SYN3: variants seen among roughly 807,000 people sequenced by gnomAD.
SYN3 encodes the protein synapsin-3.
A neutral mutation model predicts 65.8 loss-of-function variants in SYN3; 35 were observed. The observed-to-expected ratio is 0.53, with a 90% CI of 0.41 to 0.70. The LOEUF is 0.70. Ranked by LOEUF, SYN3 falls within the 30% of genes least tolerant of loss-of-function variation. The pLI is 0.00. For synonymous variants in SYN3, 270 were observed against 292.9 expected, an observed-to-expected ratio of 0.92 and a Z score of 0.80; for missense variants, 680 against 749.0, an observed-to-expected ratio of 0.91 and a Z score of 1.08.
At chr22:32,525,045 T>C (rs573558495) in intron 12 of SYN3, among the ~76,000 whole-genome samples, 6 of 152,308 alleles carry the variant, frequency 3.9e-5, no homozygotes, top group African/African-American at 1.2e-4. Flanking sequence ...AAAGCTATAG[T>C]TGCCATAGAC....
At chr22:32,516,611 C>T (rs1417160601) in intron 13 of SYN3, among the ~76,000 whole-genome samples, 1 of 152,172 alleles carries the variant, frequency 6.6e-6, no homozygotes, top group Admixed American at 6.5e-5. Context: ...TGGGATCCAC[C>T]CACCTTGGCC....
intron 6 of SYN3, among the ~76,000 whole-genome samples, chr22:32,679,457 T>C (rs1466403944): frequency 6.6e-6 from 1 of 152,184 alleles, no homozygotes; most frequent in Non-Finnish European, 1.5e-5. Context: ...AAGGTATCTC[T>C]TTGAGATCCT....
chr22:32,938,981 A>C (rs1379285906), intron 3 of SYN3, among the ~76,000 whole-genome samples: 5 of 152,152 alleles, frequency 3.3e-5, no homozygotes, highest in Non-Finnish European at 5.9e-5. Flanking sequence ...AGACAAAGAA[A>C]AATTGAATTT....
At chr22:32,703,638 T>TAA (rs529566235) in intron 6 of SYN3, among the ~76,000 whole-genome samples, 10 of 135,320 alleles carry the variant, frequency 7.4e-5, no homozygotes, top group Admixed American at 7.5e-5. Flanking sequence ...CTCCATCGCT[T>TAA]AAAAAAAAAA....
Position 32,523,309 on chromosome 22 carries a change from G to A in SYN3, c.1318+4609C>T, listed in dbSNP as rs191834155. Reference sequence around the variant, plus strand: ...AGGCGGATCACAAGGTCAGCAGATCGAGACCATCATGGCCAACATGGTGAC... The same window carrying A: ...AGGCGGATCACAAGGTCAGCAGATCAAGACCATCATGGCCAACATGGTGAC... On this transcript the variant is annotated intron_variant, in intron 12 of 13. Coordinates refer to ENST00000358763, the MANE Select transcript of SYN3 (RefSeq NM_003490.4). Among the ~76,000 whole-genome samples the A allele has an allele frequency of 6.4e-3, 981 of 152,206 alleles. 4 individuals are homozygous for A. Among genetic ancestry groups the A allele is most frequent in the Non-Finnish European group, 0.011 (734 of 68,020 alleles).
intron 7 of SYN3, among the ~76,000 whole-genome samples, chr22:32,586,024 ATG>A (rs1430764917): frequency 8.3e-5 from 11 of 133,082 alleles, no homozygotes; most frequent in African/African-American, 2.3e-4. Context: ...GTATATATGT[ATG>A]TATGTATATA....
rs1309296656 is a variant in SYN3 at position 32,865,948 on chromosome 22, T to C, written c.622-944A>G. Among the ~76,000 whole-genome samples, 6 of 151,958 alleles carry C rather than the reference T, an allele frequency of 3.9e-5. No individual in the cohort carries two copies. In the East Asian group the frequency reaches 5.8e-4, roughly 15 times the overall value. Reference sequence around the variant, plus strand: ...GGAGAAAGGGCCCTCCGGGTGTGCATTGAGACTAATGTATGCTGGAGACCC... The same window carrying C: ...GGAGAAAGGGCCCTCCGGGTGTGCACTGAGACTAATGTATGCTGGAGACCC... On this transcript the variant is annotated intron_variant, in intron 5 of 13. Transcript: ENST00000358763.
At chr22:32,554,082 T>G (rs2058455693) in intron 7 of SYN3, among the ~76,000 whole-genome samples, 1 of 152,184 alleles carries the variant, frequency 6.6e-6, no homozygotes, top group African/African-American at 2.4e-5. Context: ...CCTCAAAATC[T>G]CCGGAGGTAC....
At chr22:32,687,960 G>T (rs1367628677) in intron 6 of SYN3, among the ~76,000 whole-genome samples, 1 of 151,786 alleles carries the variant, frequency 6.6e-6, no homozygotes, top group Admixed American at 6.6e-5. Context: ...CAATCGCACA[G>T]CCATAGTTCA....
intron 6 of SYN3, among the ~76,000 whole-genome samples, chr22:32,662,471 T>G (rs1164474664): frequency 6.6e-6 from 1 of 152,230 alleles, no homozygotes; most frequent in Admixed American, 6.5e-5. Context: ...ACCAAGTAAC[T>G]ATGGGACCAA....
chr22:32,870,637 TTA>T (rs2048824789), intron 4 of SYN3, among the ~76,000 whole-genome samples: 1 of 152,222 alleles, frequency 6.6e-6, no homozygotes, highest in South Asian at 2.1e-4. Context: ...CACAAATTGT[TTA>T]TGAGAATGTC....
intron 7 of SYN3, among the ~76,000 whole-genome samples, chr22:32,582,753 A>G (rs2058967349): frequency 6.6e-6 from 1 of 152,106 alleles, no homozygotes; most frequent in South Asian, 2.1e-4. Context: ...CACACTGAGC[A>G]GCAAGGCTAC....
At chr22:32,528,754 C>A (rs544134839) in intron 11 of SYN3, 120 bp downstream of exon 11, 67 of 1,403,172 alleles carry the variant, frequency 4.8e-5, no homozygotes, top group Admixed American at 3.4e-4. Context: ...CACCCCCATT[C>A]CTTCTCCCCA....
intron 6 of SYN3, among the ~76,000 whole-genome samples, chr22:32,662,091 A>C (rs1189393338): frequency 1.3e-5 from 2 of 152,180 alleles, no homozygotes; most frequent in Non-Finnish European, 2.9e-5. Flanking sequence ...TGCAAAATCT[A>C]AAGGTCTTTT....
intron 3 of SYN3, among the ~76,000 whole-genome samples, chr22:32,934,170 T>C (rs959275931): frequency 8.5e-5 from 13 of 152,328 alleles, no homozygotes; most frequent in Middle Eastern, 3.4e-3. Context: ...AGAAAAGTTG[T>C]TGCTTATGTG....
intron 6 of SYN3, among the ~76,000 whole-genome samples, chr22:32,849,867 T>C (rs1211915603): frequency 1.3e-5 from 2 of 152,102 alleles, no homozygotes; most frequent in Admixed American, 6.6e-5. Flanking sequence ...TGGGCTTTAA[T>C]CTTCCCAATT....
intron 4 of SYN3, 66 bp from the exon 5 acceptor site, chr22:32,869,191 A>T: frequency 1.3e-6 from 2 of 1,563,288 alleles, no homozygotes; most frequent in Non-Finnish European, 1.7e-6. Context: ...ATCCGGCCAC[A>T]GCTTGCTGGG....
intron 6 of SYN3, among the ~76,000 whole-genome samples, chr22:32,717,456 G>C (rs1322801812): frequency 2.6e-5 from 4 of 152,196 alleles, no homozygotes; most frequent in Non-Finnish European, 5.9e-5. Context: ...AGTGAGGGCT[G>C]TGCATGTGGC....
intron 6 of SYN3, among the ~76,000 whole-genome samples, chr22:32,671,062 T>G (rs1252343339): frequency 6.6e-6 from 1 of 152,224 alleles, no homozygotes; most frequent in African/African-American, 2.4e-5. Context: ...ATCTCTTTCT[T>G]CAGTGGGTTT....
Sources: allele counts gnomAD v4.1 joint callset (sites outside exome capture counted in the v4.1 genomes callset), GRCh38; gene constraint gnomAD v4.1.1; transcripts MANE v1.5; gene names NCBI Gene and HGNC (gene_info 2026-07-23, HGNC 2026-07-21).